The following ARHGAP26 variants were observed in gnomAD, a reference collection of about 807,000 sequenced individuals.
The protein encoded by ARHGAP26 is rho GTPase-activating protein 26.
In ARHGAP26, 38 loss-of-function variants were observed where a neutral mutation model predicts 104.8. That is an observed-to-expected ratio of 0.36 (90% CI 0.28 to 0.48). The LOEUF (loss-of-function observed/expected upper bound fraction) is 0.48, where lower values mean the gene tolerates loss of function less well. Ranked by LOEUF, ARHGAP26 falls within the 20% of genes least tolerant of loss-of-function variation. ARHGAP26 has a pLI of 0.99. For synonymous variants in ARHGAP26, 341 were observed against 340.0 expected (o/e 1.00, Z -0.03); for missense variants, 704 against 947.9 (o/e 0.74, Z 3.38).
At chr5:143,186,574 G>A (rs1177918846) in intron 20 of ARHGAP26, among the ~76,000 whole-genome samples, 2 of 152,152 alleles carry the variant, frequency 1.3e-5, no homozygotes. Context: ...CTGTTTTCCT[G>A]CCCTGAAAGA....
At chr5:143,040,441 T>C (rs1783291146) in intron 13 of ARHGAP26, among the ~76,000 whole-genome samples, 1 of 152,210 alleles carries the variant, frequency 6.6e-6, no homozygotes, top group Non-Finnish European at 1.5e-5. Context: ...ATACTGGCCT[T>C]GATGGAGTAT....
chr5:143,028,141 G>A (rs138604362), intron 12 of ARHGAP26, among the ~76,000 whole-genome samples: 4 of 152,276 alleles, frequency 2.6e-5, no homozygotes, highest in East Asian at 1.9e-4. Context: ...CTGACTGAGC[G>A]TAGGTTTCCT....
At chr5:143,005,535 C>A (rs1489577699) in intron 11 of ARHGAP26, among the ~76,000 whole-genome samples, 1 of 152,186 alleles carries the variant, frequency 6.6e-6, no homozygotes, top group Non-Finnish European at 1.5e-5. Flanking sequence ...AGGGAGGTGG[C>A]TCCCCAAGGA....
intron 1 of ARHGAP26, among the ~76,000 whole-genome samples, chr5:142,835,756 A>G (rs1769425426): frequency 6.6e-6 from 1 of 152,254 alleles, no homozygotes; most frequent in African/African-American, 2.4e-5. Context: ...TGGTTAGCAC[A>G]TGATACATAA....
At chr5:142,774,878 A>G (rs2151809320) in intron 1 of ARHGAP26, among the ~76,000 whole-genome samples, 1 of 152,176 alleles carries the variant, frequency 6.6e-6, no homozygotes, top group East Asian at 1.9e-4. Flanking sequence ...AGCAATGTGT[A>G]CTGAAGGTTC....
At chr5:142,936,816 T>C (rs1047390401) in intron 11 of ARHGAP26, among the ~76,000 whole-genome samples, 2 of 141,264 alleles carry the variant, frequency 1.4e-5, no homozygotes, top group African/African-American at 5.7e-5. Context: ...GAACTAAACA[T>C]CCATAGGAAA....
chr5:143,093,642 T>A (rs998703161), intron 17 of ARHGAP26, among the ~76,000 whole-genome samples: 5 of 151,836 alleles, frequency 3.3e-5, no homozygotes, highest in Non-Finnish European at 7.4e-5. Flanking sequence ...CTCTGCCTCT[T>A]TCTCTCTTTC....
chr5:142,789,172 G>A (rs917232729), intron 1 of ARHGAP26, among the ~76,000 whole-genome samples: 5 of 152,164 alleles, frequency 3.3e-5, no homozygotes, highest in Admixed American at 6.5e-5. Flanking sequence ...AGTTAAATGG[G>A]GTAGCACGTG....
At chr5:142,858,088 TGTGTGTGAGA>T (rs1374556353) in intron 1 of ARHGAP26, among the ~76,000 whole-genome samples, 3 of 141,350 alleles carry the variant, frequency 2.1e-5, no homozygotes, top group African/African-American at 8.7e-5. Flanking sequence ...TGTGTGTGTG[TGTGTGTGAGA>T]GAGAGAGAGA....
intron 5 of ARHGAP26, among the ~76,000 whole-genome samples, chr5:142,888,905 T>C (rs1048885484): frequency 6.6e-6 from 1 of 152,162 alleles, no homozygotes; most frequent in African/African-American, 2.4e-5. Flanking sequence ...GGTTGACGGG[T>C]TTAATCAAGC....
intron 18 of ARHGAP26, among the ~76,000 whole-genome samples, chr5:143,132,045 T>C (rs1429161799): frequency 1.3e-5 from 2 of 152,128 alleles, no homozygotes; most frequent in Non-Finnish European, 2.9e-5. Context: ...GGTTTCCTTC[T>C]CTTCTTATTC....
intron 19 of ARHGAP26, among the ~76,000 whole-genome samples, chr5:143,139,355 TAC>T (rs1798255138): frequency 6.6e-6 from 1 of 152,202 alleles, no homozygotes; most frequent in Non-Finnish European, 1.5e-5. Flanking sequence ...GTTAAGCAGT[TAC>T]ACTGTCAGCA....
intron 11 of ARHGAP26, among the ~76,000 whole-genome samples, chr5:142,973,559 C>G (rs1049132467): frequency 6.6e-5 from 10 of 152,120 alleles, no homozygotes; most frequent in Admixed American, 2.0e-4. Context: ...TGATTTTACT[C>G]CATGCACAAG....
chr5:143,228,090 T>C lies in ARHGAP26; in HGVS notation c.*5644T>C, dbSNP rs1811801491. On this transcript the variant is annotated 3_prime_UTR_variant, in exon 23 of 23. Transcript: ENST00000645722. ...AAATGTCAGTTACCTGGAGCAGTCC[T>C]GGAGAGGTTAAGACATTCTATACTG... The C allele has an allele frequency of 4.5e-6, 1 of 223,230 alleles. No homozygotes were observed. The highest frequency in any genetic ancestry group is 8.9e-6 in the Non-Finnish European group (1 of 111,788). The allele number at this position is 223,230 out of a possible 1,614,324, so 13.8% of individuals were successfully genotyped here. A position where few individuals can be genotyped will look rare whatever the true frequency, so the allele number is the denominator to read the frequency against.
At chr5:142,831,548 C>T (rs1197296622) in intron 1 of ARHGAP26, among the ~76,000 whole-genome samples, 1 of 152,130 alleles carries the variant, frequency 6.6e-6, no homozygotes, top group Non-Finnish European at 1.5e-5. Context: ...GCCTAATTAC[C>T]TCTGCCTTGA....
intron 17 of ARHGAP26, among the ~76,000 whole-genome samples, chr5:143,098,256 T>A (rs948291659): frequency 2.6e-5 from 4 of 152,226 alleles, no homozygotes; most frequent in Non-Finnish European, 5.9e-5. Context: ...TTACATTGGA[T>A]AGCATAACTG....
intron 10 of ARHGAP26, among the ~76,000 whole-genome samples, chr5:142,926,277 G>C (rs1344271361): frequency 6.6e-6 from 1 of 152,188 alleles, no homozygotes; most frequent in African/African-American, 2.4e-5. Flanking sequence ...GGCTCCTGCA[G>C]TGTGAGAGGT....
chr5:142,906,977 T>C (rs1277654108), intron 8 of ARHGAP26, among the ~76,000 whole-genome samples: 1 of 152,222 alleles, frequency 6.6e-6, no homozygotes, highest in Non-Finnish European at 1.5e-5. Flanking sequence ...CTTCCTTTAA[T>C]AGTGCTTTGT....
chr5:143,085,399 A>G (rs1195522214), intron 17 of ARHGAP26, among the ~76,000 whole-genome samples: 1 of 152,160 alleles, frequency 6.6e-6, no homozygotes, highest in East Asian at 1.9e-4. Flanking sequence ...AAATTGAGAA[A>G]TTAGTTGAGA....
Sources: gnomAD v4.1 joint callset for allele counts (sites outside exome capture counted in the v4.1 genomes callset) on GRCh38, gnomAD v4.1.1 for gene constraint, MANE v1.5 for transcripts, NCBI Gene and HGNC (gene_info 2026-07-23, HGNC 2026-07-21) for gene names.